ADAM18: variants seen among roughly 807,000 people sequenced by gnomAD.
The protein encoded by ADAM18 is ADAM metallopeptidase domain 18.
Under a neutral mutation model 94.4 loss-of-function variants are expected in ADAM18, and 117 were observed. The observed-to-expected ratio is 1.24, with a 90% CI of 1.07 to 1.45. The LOEUF (loss-of-function observed/expected upper bound fraction) is 1.45, where lower values mean the gene tolerates loss of function less well. Among genes scored for constraint, ADAM18 ranks in the 40% most tolerant of loss-of-function variants. The pLI is 0.00. For synonymous variants in ADAM18, 327 were observed against 291.6 expected, an observed-to-expected ratio of 1.12 and a Z score of -1.24; for missense variants, 936 against 880.0, an observed-to-expected ratio of 1.06 and a Z score of -0.81.
intron 6 of ADAM18, among the ~76,000 whole-genome samples, chr8:39,616,856 A>G (rs559633451): frequency 6.6e-6 from 1 of 152,338 alleles, no homozygotes; most frequent in Admixed American, 6.5e-5. Context: ...CACAATATAC[A>G]AAAATCAAAT....
intron 10 of ADAM18, among the ~76,000 whole-genome samples, chr8:39,642,238 T>A (rs1021225294): frequency 7.9e-5 from 12 of 152,162 alleles, no homozygotes; most frequent in African/African-American, 2.9e-4. Flanking sequence ...GAGTTTCCTA[T>A]GCTGTGCAGA....
intron 17 of ADAM18, among the ~76,000 whole-genome samples, chr8:39,696,273 T>A (rs1279251719): frequency 1.4e-5 from 1 of 72,654 alleles, no homozygotes; most frequent in Non-Finnish European, 2.6e-5. Flanking sequence ...TATTTATATA[T>A]TTTGGATATT....
Position 39,610,656 on chromosome 8 carries a change from A to G in ADAM18, c.472A>G (p.Ser158Gly), listed in dbSNP as rs929487906. Residue 158 changes from serine to glycine, a missense_variant, in exon 6 of 20, where the codon AGT becomes GGT. Transcript: ENST00000265707. ...TGTATCCATTTTAGCAGTAAATTAC[A>G]GTCATATTTGGCAGAAAGACCAGCC... ...PNVSILAVNY[S>G]HIWQKDQPYK... 8.1e-6 allele frequency: 13 copies of G among 1,613,232 alleles called. No individual in the cohort carries two copies. The highest frequency in any genetic ancestry group is 1.0e-5 in the Non-Finnish European group (12 of 1,179,436).
intron 13 of ADAM18, 53 bp downstream of exon 13, chr8:39,663,943 G>A (rs1820922390): frequency 1.7e-6 from 2 of 1,161,718 alleles, no homozygotes; most frequent in Non-Finnish European, 2.5e-6. Flanking sequence ...AGAGACGTCT[G>A]TATTAACTGA....
chr8:39,647,488 A>G (rs570476953), intron 11 of ADAM18, among the ~76,000 whole-genome samples: 57 of 152,236 alleles, frequency 3.7e-4, no homozygotes, highest in African/African-American at 1.4e-3. Context: ...TCCCAGGGGC[A>G]GGCAGGAGAC....
intron 7 of ADAM18, among the ~76,000 whole-genome samples, chr8:39,635,847 C>A (rs1820060768): frequency 6.6e-6 from 1 of 151,884 alleles, no homozygotes; most frequent in African/African-American, 2.4e-5. Context: ...CAAGAATATC[C>A]AAAAAAGACC....
At chr8:39,622,017 C>A (rs147507600) in intron 6 of ADAM18, among the ~76,000 whole-genome samples, 1 of 152,212 alleles carries the variant, frequency 6.6e-6, no homozygotes, top group African/African-American at 2.4e-5. Context: ...GAGCAGCAAA[C>A]CACCATGGCA....
chr8:39,657,363 G>C lies in ADAM18; in HGVS notation c.1231-6432G>C, dbSNP rs374318439. Among the ~76,000 whole-genome samples, 5 of 152,268 alleles carry C rather than the reference G, an allele frequency of 3.3e-5. 1 individual carries two copies. The highest frequency in any genetic ancestry group is 1.2e-4 in the African/African-American group (5 of 41,536). ...CCTTGCTTTTATCATCCAGGCTGGA[G>C]TGCAGTGGCTTGATGTCAGCTCACT... On this transcript the variant is annotated intron_variant, in intron 12 of 19. Transcript: ENST00000265707.
chr8:39,610,722 C>T lies in ADAM18; in HGVS notation c.522+16C>T, dbSNP rs1585895802. On this transcript the variant is annotated intron_variant, in intron 6 of 19. Transcript: ENST00000265707. Reference sequence around the variant, plus strand: ...AAACTCACAGGTGACTGTCATCATTCTGATGTTATGACATACTAGAACATT... The same window carrying T: ...AAACTCACAGGTGACTGTCATCATTTTGATGTTATGACATACTAGAACATT... The T allele has an allele frequency of 6.2e-7, 1 of 1,610,120 alleles. No homozygotes were observed. Among genetic ancestry groups the T allele is most frequent in the Non-Finnish European group, 8.5e-7 (1 of 1,178,390 alleles).
At chr8:39,672,743 C>T (rs759259890) in intron 14 of ADAM18, among the ~76,000 whole-genome samples, 3 of 152,172 alleles carry the variant, frequency 2.0e-5, no homozygotes, top group Non-Finnish European at 4.4e-5. Flanking sequence ...GGACTTACAA[C>T]CATTTAATCA....
intron 18 of ADAM18, among the ~76,000 whole-genome samples, chr8:39,723,049 C>A (rs1478149780): frequency 6.6e-6 from 1 of 151,342 alleles, no homozygotes; most frequent in Non-Finnish European, 1.5e-5. Context: ...TAACAGGATC[C>A]TTTTTGAGAC....
At chr8:39,704,083 CAAA>C (rs1374345470) in intron 17 of ADAM18, among the ~76,000 whole-genome samples, 1 of 151,678 alleles carries the variant, frequency 6.6e-6, no homozygotes, top group African/African-American at 2.4e-5. Flanking sequence ...GCCTACCAAC[CAAA>C]AAAAGCCCAG....
At chr8:39,658,244 TG>T (rs1340050706) in intron 12 of ADAM18, among the ~76,000 whole-genome samples, 1 of 152,204 alleles carries the variant, frequency 6.6e-6, no homozygotes, top group East Asian at 1.9e-4. Flanking sequence ...CTCTCAAAGT[TG>T]CCCCCATCTC....
In ADAM18 at chr8:39,723,768, G is replaced by T. The variant is rs756270672; in HGVS notation, c.2038G>T (p.Gly680Cys). 10 of 1,530,318 alleles carry T rather than the reference G, an allele frequency of 6.5e-6. No homozygotes were observed. Among genetic ancestry groups the T allele is most frequent in the South Asian group, 1.4e-5 (1 of 73,138 alleles). The allele number at this position is 1,530,318 out of a possible 1,614,324, so 94.8% of individuals were successfully genotyped here. ...QKSGDFYTEK[G>C]YNTHWNNWFI... ...TCTAGGTGACTTTTATACTGAAAAA[G>T]GCTACAATACACACTGGAACAACTG... Residue 680 changes from glycine (G) to cysteine (C), a missense_variant, in exon 19 of 20, where the codon GGC becomes TGC. Gly to Cys is a radical substitution (Grantham distance 159). Transcript: ENST00000265707.
rs1586023980 is a variant in ADAM18 at position 39,729,782 on chromosome 8, T to C, written c.2178-116T>C. Reference sequence around the variant, plus strand: ...TAACCAAACTTATCTATAATAATCTTTGATTTTTAGCAATTATAAAGTAGA... The same window carrying C: ...TAACCAAACTTATCTATAATAATCTCTGATTTTTAGCAATTATAAAGTAGA... On this transcript the variant is annotated intron_variant, in intron 19 of 19. Coordinates refer to ENST00000265707, the MANE Select transcript of ADAM18 (RefSeq NM_014237.3). 4 of 752,432 alleles carry C rather than the reference T, an allele frequency of 5.3e-6. No individual in the cohort carries two copies. The East Asian group carries it at 1.1e-4, about 20-fold the overall frequency. 46.6% of individuals were successfully genotyped at this position (752,432 alleles called of 1,614,324 possible). A position where few individuals can be genotyped will look rare whatever the true frequency, so the allele number is the denominator to read the frequency against.
chr8:39,603,028 G>A (rs923782404), intron 2 of ADAM18, among the ~76,000 whole-genome samples: 6 of 150,034 alleles, frequency 4.0e-5, no homozygotes, highest in Admixed American at 2.6e-4. Context: ...ACATCCAATT[G>A]TTCTATCTTG....
chr8:39,650,904 C>T (rs1820514442), intron 12 of ADAM18, among the ~76,000 whole-genome samples: 1 of 151,996 alleles, frequency 6.6e-6, no homozygotes, highest in Non-Finnish European at 1.5e-5. Context: ...GAAAAGTGGA[C>T]CCAGGGGACT....
chr8:39,616,862 C>T (rs925150496), intron 6 of ADAM18, among the ~76,000 whole-genome samples: 8 of 152,030 alleles, frequency 5.3e-5, no homozygotes, highest in Non-Finnish European at 7.4e-5. Flanking sequence ...ATACAAAAAT[C>T]AAATCAAGAT....
At chr8:39,701,972 A>G (rs1474575616) in intron 17 of ADAM18, among the ~76,000 whole-genome samples, 1 of 152,210 alleles carries the variant, frequency 6.6e-6, no homozygotes. Context: ...TCTTTATAAT[A>G]GAATGAGTTA....
Sources: allele counts gnomAD v4.1 joint callset (sites outside exome capture counted in the v4.1 genomes callset), GRCh38; gene constraint gnomAD v4.1.1; transcripts MANE v1.5; gene names NCBI Gene and HGNC (gene_info 2026-07-23, HGNC 2026-07-21).